The following GRK4 variants were observed in gnomAD, a reference collection of about 807,000 sequenced individuals.
The protein encoded by GRK4 is G protein-coupled receptor kinase 4, also known as G protein-coupled receptor kinase 2-like.
In GRK4, 73 loss-of-function variants were observed where a neutral mutation model predicts 77.9. The ratio of observed to expected loss-of-function variants is 0.94; its 90% confidence interval spans 0.78 to 1.14. The LOEUF is 1.14. Among genes scored for constraint, GRK4 ranks in the 50% most tolerant of loss-of-function variants. GRK4 has a pLI of 0.00. For synonymous variants in GRK4, 257 were observed against 254.4 expected, an observed-to-expected ratio of 1.01 and a Z score of -0.10; for missense variants, 729 against 700.2, an observed-to-expected ratio of 1.04 and a Z score of -0.46.
chr4:2,988,641 C>A, intron 2 of GRK4, 86 bp from the exon 3 acceptor site: 1 of 721,412 alleles, frequency 1.4e-6, no homozygotes, highest in Non-Finnish European at 2.5e-6. Context: ...TTTACTGTAT[C>A]GAGTGAGAAC....
intron 14 of GRK4, among the ~76,000 whole-genome samples, chr4:3,037,940 G>T (rs529346969): frequency 2.0e-5 from 3 of 150,384 alleles, no homozygotes; most frequent in Non-Finnish European, 3.0e-5. Context: ...AAAAAAGATT[G>T]TATAAGACTT....
chr4:3,031,359 A>G (rs1739114385), intron 12 of GRK4, among the ~76,000 whole-genome samples: 1 of 152,182 alleles, frequency 6.6e-6, no homozygotes. Flanking sequence ...AGGCTTGGAA[A>G]GCAGGGGTTT....
At chr4:2,974,385 G>A (rs1332995778) in intron 1 of GRK4, among the ~76,000 whole-genome samples, 1 of 152,186 alleles carries the variant, frequency 6.6e-6, no homozygotes, top group Non-Finnish European at 1.5e-5. Flanking sequence ...TGTATGAATA[G>A]CAGTTAAGAT....
At position 3,029,413 on chromosome 4, in the gene GRK4, A is replaced by G. The variant is rs1428289475; in HGVS notation, c.1269+4A>G. The G allele has an allele frequency of 6.2e-7, 1 of 1,611,014 alleles. No individual in the cohort carries two copies. The highest frequency in any genetic ancestry group is 1.3e-5 in the African/African-American group (1 of 74,876). ...TGCCAAATCTATCTGCAGGATGGTA[A>G]GTCAGGCTCTGTAGAGGCTGGGAAA... On this transcript the variant is annotated splice_donor_region_variant and intron_variant, in intron 12 of 15. Coordinates refer to ENST00000398052, the MANE Select transcript of GRK4 (RefSeq NM_182982.3).
In GRK4 at chr4:3,038,461, C is replaced by A; in HGVS notation, c.1631C>A (p.Thr544Asn). ...TTAGATCTAGACAAGAACATACATA[C>A]CCCGGTTTCCAGACCAAACAGAGGC... Reference protein sequence around the residue: ...LPLDLDKNIHTPVSRPNRGFF... With the variant: ...LPLDLDKNIHNPVSRPNRGFF... The change falls in exon 15 of 16, where the codon ACC becomes AAC. Residue 544 changes from threonine (T) to asparagine (N), a missense_variant. Coordinates refer to ENST00000398052, the MANE Select transcript of GRK4 (RefSeq NM_182982.3). 3 of 1,614,096 alleles carry A rather than the reference C, an allele frequency of 1.9e-6. No individual in the cohort carries two copies. The highest frequency in any genetic ancestry group is 2.5e-6 in the Non-Finnish European group (3 of 1,179,986).
intron 1 of GRK4, chr4:2,966,617 A>G (rs1279452113): frequency 6.6e-6 from 1 of 152,160 alleles, no homozygotes; most frequent in Non-Finnish European, 1.5e-5. Context: ...AGTATTGGTT[A>G]TAATTTAGGG....
At chr4:2,979,065 A>G (rs1722028182) in intron 1 of GRK4, among the ~76,000 whole-genome samples, 1 of 151,736 alleles carries the variant, frequency 6.6e-6, no homozygotes, top group South Asian at 2.1e-4. Flanking sequence ...CCGTCTGTAA[A>G]TACAAAAAAA....
chr4:3,038,284 C>A, intron 14 of GRK4, 92 bp from the exon 15 acceptor site: 1 of 1,518,318 alleles, frequency 6.6e-7, no homozygotes, highest in Non-Finnish European at 9.0e-7. Context: ...GTGCCCCGCA[C>A]GGGGCTGGGC....
Position 3,027,985 on chromosome 4 carries a change from A to G in GRK4, c.1044A>G (p.Gly348=), listed in dbSNP as rs56317761. 9.3e-6 allele frequency: 15 copies of G among 1,614,110 alleles called. No homozygotes were observed. In the East Asian group the frequency reaches 1.6e-4, roughly 17 times the overall value. Residue 348 remains glycine, a synonymous_variant, in exon 11 of 16, where the codon GGA becomes GGG. Coordinates refer to ENST00000398052, the MANE Select transcript of GRK4 (RefSeq NM_182982.3). The part of the protein sequence containing the change: ...PEGQRVRGRV[G]TVGYMAPEVV... ...GACAGAGGGTTCGAGGAAGAGTTGGAACAGTCGGCTACATGGGTTCGTGAG... is the reference window on the plus strand; with the variant it reads ...GACAGAGGGTTCGAGGAAGAGTTGGGACAGTCGGCTACATGGGTTCGTGAG...
At chr4:2,967,356 G>T (rs987706077) in intron 1 of GRK4, among the ~76,000 whole-genome samples, 3 of 152,232 alleles carry the variant, frequency 2.0e-5, no homozygotes, top group Non-Finnish European at 4.4e-5. Flanking sequence ...CACTCTGCCA[G>T]GGACATGAAG....
At chr4:3,033,776 C>G (rs536519935) in intron 12 of GRK4, among the ~76,000 whole-genome samples, 59 of 152,152 alleles carry the variant, frequency 3.9e-4, no homozygotes, top group African/African-American at 1.1e-3. Flanking sequence ...TAGTAGAGAC[C>G]GGGTTTCACC....
At chr4:3,036,212 G>A (rs899467528) in intron 13 of GRK4, among the ~76,000 whole-genome samples, 3 of 152,198 alleles carry the variant, frequency 2.0e-5, no homozygotes, top group Admixed American at 1.3e-4. Context: ...TGTCTGGAAC[G>A]CGTGTCCCCA....
chr4:3,030,801 T>C (rs2157097), intron 12 of GRK4, among the ~76,000 whole-genome samples: 91,468 of 152,062 alleles, frequency 0.6, 27,661 homozygotes, highest in South Asian at 0.72. Context: ...TGTCACTTGT[T>C]ATTGTCATCA....
At chr4:3,024,585 G>C (rs907903098) in intron 10 of GRK4, among the ~76,000 whole-genome samples, 4 of 152,178 alleles carry the variant, frequency 2.6e-5, no homozygotes, top group African/African-American at 9.7e-5. Flanking sequence ...TGTAGGCCAG[G>C]TGTGGGGCTT....
chr4:3,022,523 C>G, intron 10 of GRK4, 72 bp downstream of exon 10: 1 of 1,344,054 alleles, frequency 7.4e-7, no homozygotes, highest in Non-Finnish European at 1.1e-6. Flanking sequence ...AAGTTGGATG[C>G]AGAAAGTGGA....
chr4:3,009,837 A>G (rs980815049), intron 7 of GRK4, 126 bp downstream of exon 7: 4 of 591,668 alleles, frequency 6.8e-6, no homozygotes, highest in Middle Eastern at 2.9e-4. Context: ...TGTTTTGGGA[A>G]TAATCTTTGC....
At chr4:2,966,717 G>C (rs1180113963) in intron 1 of GRK4, 1 of 152,176 alleles carries the variant, frequency 6.6e-6, no homozygotes, top group Non-Finnish European at 1.5e-5. Flanking sequence ...TAACTTCATG[G>C]ACAGCTCCTT....
At chr4:2,987,598 A>C (rs1217184900) in intron 2 of GRK4, among the ~76,000 whole-genome samples, 1 of 152,266 alleles carries the variant, frequency 6.6e-6, no homozygotes, top group African/African-American at 2.4e-5. Flanking sequence ...TTGGTGTGCA[A>C]ATACCTGTTT....
In GRK4 at chr4:2,964,138, G is replaced by T; in HGVS notation, c.52+16G>T. 6.3e-7 allele frequency: 1 copy of T among 1,578,838 alleles called. No individual in the cohort carries two copies. On this transcript the variant is annotated intron_variant, in intron 1 of 15. Coordinates refer to ENST00000398052, the MANE Select transcript of GRK4 (RefSeq NM_182982.3). ...GCGCGTCAAGGTGGGTGCGCGGCAG[G>T]CGCCCCCGACCCCCCCCCCAGAGAA... is the stretch of plus-strand genomic sequence containing the variant.
Sources: gnomAD v4.1 joint callset for allele counts (sites outside exome capture counted in the v4.1 genomes callset) on GRCh38, gnomAD v4.1.1 for gene constraint, MANE v1.5 for transcripts, NCBI Gene and HGNC (gene_info 2026-07-23, HGNC 2026-07-21) for gene names.